The following SCD5 variants were observed in gnomAD, a reference collection of about 807,000 sequenced individuals.
SCD5 encodes the protein acyl-CoA-desaturase 4.
Under a neutral mutation model 30.4 loss-of-function variants are expected in SCD5, and 20 were observed. The ratio of observed to expected loss-of-function variants is 0.66; its 90% CI spans 0.46 to 0.96. The LOEUF is 0.96. SCD5 is among the 40% of genes least tolerant of loss of function. The probability of loss-of-function intolerance (pLI) is 0.00; values close to 1 mark genes in which losing one functional copy is unlikely to be tolerated. For synonymous variants in SCD5, 173 were observed against 176.4 expected (o/e 0.98, Z 0.16); for missense variants, 381 against 443.3 (o/e 0.86, Z 1.26).
Position 82,798,756 on chromosome 4 carries a change from G to A in SCD5, c.-219C>T. 1.9e-6 allele frequency: 1 copy of A among 538,626 alleles called. No homozygotes were observed. Among genetic ancestry groups the A allele is most frequent in the Non-Finnish European group, 3.2e-6 (1 of 308,688 alleles). 33.4% of individuals were successfully genotyped at this position (538,626 alleles called of 1,614,324 possible). A position where few individuals can be genotyped will look rare whatever the true frequency, so the allele number is the denominator to read the frequency against. On this transcript the variant is annotated 5_prime_UTR_variant, in exon 1 of 5. In the 5' UTR this introduces an upstream ATG that the reference lacks. Transcript: ENST00000319540. ...TTGGCGGCCGGCGTCTGTTGCTGGCGTATCCCCCATATGGCTGCCCGGGCT... is the reference window on the plus strand; with the variant it reads ...TTGGCGGCCGGCGTCTGTTGCTGGCATATCCCCCATATGGCTGCCCGGGCT...
rs1261472305 is a variant in SCD5, at chr4:82,685,112, CAT to C, written c.364-4202_364-4201del. Among the ~76,000 whole-genome samples the C allele has an allele frequency of 1.3e-4, 20 of 152,202 alleles. 1 individual carries two copies. The highest frequency in any genetic ancestry group is 2.1e-4 in the South Asian group (1 of 4,830). On this transcript the variant is annotated intron_variant, in intron 2 of 4. Coordinates refer to ENST00000319540, the MANE Select transcript of SCD5 (RefSeq NM_001037582.3). Reference sequence around the variant, plus strand: ...ATCCATTAAAAGTGCACTCTCACCACATGTTAATTGATTATTCCTGATAAAAA... The same window carrying C: ...ATCCATTAAAAGTGCACTCTCACCACGTTAATTGATTATTCCTGATAAAAA...
intron 3 of SCD5, among the ~76,000 whole-genome samples, chr4:82,637,506 G>T (rs1369320364): frequency 6.6e-6 from 1 of 152,236 alleles, no homozygotes; most frequent in Non-Finnish European, 1.5e-5. Context: ...TGTTACTGAT[G>T]CATGAGCTAA....
intron 1 of SCD5, among the ~76,000 whole-genome samples, chr4:82,790,444 C>T (rs550438298): frequency 1.4e-4 from 21 of 152,322 alleles, no homozygotes; most frequent in African/African-American, 5.1e-4. Flanking sequence ...TTGAGCTGCC[C>T]TGCCCTGTCT....
chr4:82,685,009 C>G (rs1027433621), intron 2 of SCD5, among the ~76,000 whole-genome samples: 3 of 152,134 alleles, frequency 2.0e-5, no homozygotes, highest in Non-Finnish European at 2.9e-5. Context: ...AAATCAATTA[C>G]CAAATTATTG....
Position 82,775,549 on chromosome 4 carries a change from G to A in SCD5, c.232+22757C>T, listed in dbSNP as rs1174119842. On this transcript the variant is annotated intron_variant, in intron 1 of 4. Transcript: ENST00000319540. ...GCTGCAAGAACTGCACCTGATGCAT[G>A]TTCAAGGACCAGGCTATTAAGAAGT... 1.3e-5 allele frequency: 2 copies of A among 152,260 alleles called. 1 individual carries two copies. The highest frequency in any genetic ancestry group is 1.3e-4 in the Admixed American group (2 of 15,288). 9.4% of individuals were successfully genotyped at this position (152,260 alleles called of 1,614,324 possible).
chr4:82,672,064 G>C (rs949053605), intron 3 of SCD5, among the ~76,000 whole-genome samples: 1 of 152,102 alleles, frequency 6.6e-6, no homozygotes, highest in East Asian at 1.9e-4. Context: ...GCAGTGCTTA[G>C]AGGAAAATTT....
chr4:82,658,914 A>G (rs886264083), intron 3 of SCD5, among the ~76,000 whole-genome samples: 4 of 152,082 alleles, frequency 2.6e-5, no homozygotes, highest in African/African-American at 4.8e-5. Context: ...GAATGGTACC[A>G]GCTCCTCTTT....
chr4:82,648,562 G>A (rs1232165909), intron 3 of SCD5, among the ~76,000 whole-genome samples: 1 of 152,046 alleles, frequency 6.6e-6, no homozygotes, highest in Non-Finnish European at 1.5e-5. Flanking sequence ...GTCGATTGAG[G>A]TAGGAGTCTC....
At chr4:82,740,907 C>G (rs1039487460) in intron 1 of SCD5, among the ~76,000 whole-genome samples, 1 of 150,946 alleles carries the variant, frequency 6.6e-6, no homozygotes, top group African/African-American at 2.4e-5. Flanking sequence ...AAGACTAAGA[C>G]TAAGGTGGAG....
intron 1 of SCD5, among the ~76,000 whole-genome samples, chr4:82,770,788 G>A (rs1360656997): frequency 2.0e-5 from 3 of 152,158 alleles, no homozygotes; most frequent in Non-Finnish European, 2.9e-5. Flanking sequence ...CAGAGAGCTG[G>A]GTTGTTAATG....
intron 3 of SCD5, among the ~76,000 whole-genome samples, chr4:82,646,019 A>C (rs1250033449): frequency 2.6e-5 from 4 of 152,174 alleles, no homozygotes; most frequent in African/African-American, 9.7e-5. Context: ...GAAATCTATT[A>C]GAGCATGAAG....
chr4:82,716,995 A>G (rs72916890), intron 1 of SCD5, among the ~76,000 whole-genome samples: 3,522 of 151,860 alleles, frequency 0.023, 203 homozygotes, highest in African/African-American at 0.079. Context: ...ATGATTTAAA[A>G]TATATGGGAG....
chr4:82,636,165 C>T (rs1727424341), intron 4 of SCD5, among the ~76,000 whole-genome samples: 1 of 151,970 alleles, frequency 6.6e-6, no homozygotes, highest in Non-Finnish European at 1.5e-5. Flanking sequence ...CATGACTTGT[C>T]CAAGAGTCAG....
intron 2 of SCD5, among the ~76,000 whole-genome samples, chr4:82,696,008 C>T (rs896100296): frequency 6.6e-6 from 1 of 152,184 alleles, no homozygotes; most frequent in Non-Finnish European, 1.5e-5. Context: ...AGCTCCTCAT[C>T]CAAGGGCCAC....
intron 1 of SCD5, among the ~76,000 whole-genome samples, chr4:82,716,246 G>A (rs17006155): frequency 0.031 from 4,731 of 151,712 alleles, 350 homozygotes; most frequent in African/African-American, 0.11. Context: ...AAGAACTCAC[G>A]GAGAATGTCA....
chr4:82,629,948 G>A lies in SCD5; in HGVS notation c.*1379C>T, dbSNP rs1577995679. On this transcript the variant is annotated 3_prime_UTR_variant, in exon 5 of 5. Transcript: ENST00000319540. ...GACACGGAATTCTAGATAACTGTTGGTTCTCAAGATCTGATGGTCTGATGT... is the reference window on the plus strand; with the variant it reads ...GACACGGAATTCTAGATAACTGTTGATTCTCAAGATCTGATGGTCTGATGT... 6.6e-6 allele frequency: 1 copy of A among 152,204 alleles called. No homozygotes were observed. Among genetic ancestry groups the A allele is most frequent in the East Asian group, 1.9e-4 (1 of 5,206 alleles). 9.4% of individuals were successfully genotyped at this position (152,204 alleles called of 1,614,324 possible).
At chr4:82,781,496 C>T (rs575521852) in intron 1 of SCD5, among the ~76,000 whole-genome samples, 1 of 152,082 alleles carries the variant, frequency 6.6e-6, no homozygotes, top group South Asian at 2.1e-4. Context: ...GATTCAACAG[C>T]AGAAGGAATG....
intron 2 of SCD5, among the ~76,000 whole-genome samples, chr4:82,686,232 C>G (rs1410924702): frequency 6.6e-6 from 1 of 152,160 alleles, no homozygotes; most frequent in South Asian, 2.1e-4. Flanking sequence ...TCTTAAACTT[C>G]TGGGCTCAAG....
chr4:82,680,958 C>G (rs759371522), intron 2 of SCD5, 46 bp from the exon 3 acceptor site: 18 of 1,560,286 alleles, frequency 1.2e-5, no homozygotes, highest in South Asian at 5.6e-5. Context: ...ACCGCACCGC[C>G]GAGCATCCTC....
Sources: gnomAD v4.1 joint callset for allele counts (sites outside exome capture counted in the v4.1 genomes callset) on GRCh38, gnomAD v4.1.1 for gene constraint, MANE v1.5 for transcripts, NCBI Gene and HGNC (gene_info 2026-07-23, HGNC 2026-07-21) for gene names.